ALDH6A1: variants seen among roughly 807,000 people sequenced by gnomAD.
ALDH6A1 encodes the protein aldehyde dehydrogenase 6 family member A1.
ALDH6A1 carries 43 observed loss-of-function variants against 62.6 expected under a neutral mutation model. The observed-to-expected ratio is 0.69, with a 90% CI of 0.54 to 0.89. The LOEUF (loss-of-function observed/expected upper bound fraction) is 0.89. Ranked by LOEUF, ALDH6A1 falls within the 40% of genes least tolerant of loss-of-function variation. The pLI is 0.00. For synonymous variants in ALDH6A1, 194 were observed against 234.2 expected (o/e 0.83, Z 1.57); for missense variants, 551 against 661.3 (o/e 0.83, Z 1.83).
chr14:74,065,088 C>T, intron 10 of ALDH6A1, 93 bp downstream of exon 10: 1 of 1,490,466 alleles, frequency 6.7e-7, no homozygotes, highest in Non-Finnish European at 9.3e-7. Flanking sequence ...GTCATGGGGG[C>T]AATCTTAAAC....
At chr14:74,061,962 C>T (rs1420337719) in intron 11 of ALDH6A1, among the ~76,000 whole-genome samples, 3 of 148,122 alleles carry the variant, frequency 2.0e-5, no homozygotes, top group Non-Finnish European at 4.4e-5. Context: ...GTAATATCAG[C>T]ACTTTGGGAG....
intron 6 of ALDH6A1, among the ~76,000 whole-genome samples, chr14:74,070,037 C>T (rs1056617674): frequency 6.6e-6 from 1 of 151,554 alleles, no homozygotes; most frequent in Admixed American, 6.6e-5. Flanking sequence ...ACGGGGGTTT[C>T]GCCACATGGC....
At chr14:74,080,634 G>C (rs1566838155) in intron 1 of ALDH6A1, among the ~76,000 whole-genome samples, 1 of 152,004 alleles carries the variant, frequency 6.6e-6, no homozygotes, top group African/African-American at 2.4e-5. Context: ...GTAGAGATGG[G>C]GCCTCCCTAT....
chr14:74,084,389 C>T lies in ALDH6A1; in HGVS notation c.6G>A (p.Ala2=). The change falls in exon 1 of 12, where the codon GCG becomes GCA. Residue 2 remains alanine (A), a synonymous_variant. Coordinates refer to ENST00000553458, the MANE Select transcript of ALDH6A1 (RefSeq NM_005589.4). M[A]ALLAAAAVRA... ...GCACTGCCGCCGCCGCCAATAGCGC[C>T]GCCATGGCTCTCGGCCGCCCTAGCT... The T allele has an allele frequency of 6.2e-7, 1 of 1,613,558 alleles. No individual in the cohort carries two copies. The highest frequency in any genetic ancestry group is 8.5e-7 in the Non-Finnish European group (1 of 1,179,932).
chr14:74,065,346 A>C lies in ALDH6A1; in HGVS notation c.1239T>G (p.Cys413Trp). The C allele has an allele frequency of 6.2e-7, 1 of 1,614,088 alleles. No homozygotes were observed. Among genetic ancestry groups the C allele is most frequent in the Middle Eastern group, 1.7e-4 (1 of 6,048 alleles). The change falls in exon 10 of 12, where the codon TGT becomes TGG. Residue 413 changes from cysteine to tryptophan, a missense_variant. Transcript: ENST00000553458. ...IISNVKPNMT[C>W]YKEEIFGPVL... ...CTGGACCAAAAATCTCCTCTTTGTA[A>C]CAGGTCATATTTGGCTGCCAGGAGT...
intron 6 of ALDH6A1, 122 bp from the exon 7 acceptor site, chr14:74,069,103 T>G (rs998049142): frequency 3.9e-6 from 2 of 518,662 alleles, no homozygotes; most frequent in African/African-American, 4.4e-5. Flanking sequence ...TACTTTTTCT[T>G]TTTTTTTTTT....
At chr14:74,079,907 G>A (rs1370405630) in intron 1 of ALDH6A1, among the ~76,000 whole-genome samples, 1 of 152,092 alleles carries the variant, frequency 6.6e-6, no homozygotes, top group Non-Finnish European at 1.5e-5. Flanking sequence ...GCATGGTCAT[G>A]TGCACCTGTG....
At chr14:74,071,703 G>T in intron 5 of ALDH6A1, 193 bp downstream of exon 5, 1 of 1,475,142 alleles carries the variant, frequency 6.8e-7, no homozygotes. Context: ...CCCACTGGAA[G>T]ATCATTTGAG....
At chr14:74,061,984 C>T (rs566044716) in intron 11 of ALDH6A1, among the ~76,000 whole-genome samples, 84 of 135,552 alleles carry the variant, frequency 6.2e-4, no homozygotes, top group African/African-American at 2.2e-3. Flanking sequence ...CTGAGGTAGG[C>T]GGATCACTTG....
Position 74,064,330 on chromosome 14 carries a change from T to C in ALDH6A1, c.1503+492A>G, listed in dbSNP as rs190038718. Among the ~76,000 whole-genome samples the C allele has an allele frequency of 3.3e-5, 5 of 150,912 alleles. No individual in the cohort carries two copies. The East Asian group carries it at 9.8e-4, about 29-fold the overall frequency. On this transcript the variant is annotated intron_variant, in intron 11 of 11. Transcript: ENST00000553458. ...AAAAAAATAATAATAATAATAGTAA[T>C]AATAATGTCTGCTACAAAGAACGTG...
intron 6 of ALDH6A1, 89 bp from the exon 7 acceptor site, chr14:74,069,070 G>GA: frequency 9.0e-7 from 1 of 1,110,634 alleles, no homozygotes; most frequent in Non-Finnish European, 1.3e-6. Context: ...CTATGGATTT[G>GA]AAGTTTTCCT....
chr14:74,071,682 ATATG>A, intron 5 of ALDH6A1, 185 bp from the exon 6 acceptor site: 1 of 1,504,726 alleles, frequency 6.6e-7, no homozygotes, highest in Non-Finnish European at 8.9e-7. Flanking sequence ...AAATACAGCG[ATATG>A]TATATACCCA....
In ALDH6A1 at chr14:74,065,209, T is replaced by A; in HGVS notation, c.1376A>T (p.Lys459Ile). 1 of 1,614,188 alleles carries A rather than the reference T, an allele frequency of 6.2e-7. No homozygotes were observed. The highest frequency in any genetic ancestry group is 8.5e-7 in the Non-Finnish European group (1 of 1,180,030). Residue 459 changes from lysine to isoleucine, a missense_variant, in exon 10 of 12, where the codon AAA becomes ATA. Transcript: ENST00000553458. Reference protein sequence around the residue: ...IFTTNGATARKYAHLVDVGQV... With the variant: ...IFTTNGATARIYAHLVDVGQV... ...TCCAACATCCACCAAGTGGGCATATTTCCGAGCAGTGGCTCCATTGGTGGT... is the reference window on the plus strand; with the variant it reads ...TCCAACATCCACCAAGTGGGCATATATCCGAGCAGTGGCTCCATTGGTGGT...
chr14:74,067,700 GATA>G (rs1460844583), intron 7 of ALDH6A1, 131 bp from the exon 8 acceptor site: 1 of 959,650 alleles, frequency 1.0e-6, no homozygotes, highest in East Asian at 2.5e-5. Context: ...AGGTGAGAAG[GATA>G]ACTTGAGGTC....
chr14:74,057,260 T>C lies in ALDH6A1; in HGVS notation c.*3382A>G, dbSNP rs1453593641. On this transcript the variant is annotated 3_prime_UTR_variant, in exon 12 of 12. Coordinates refer to ENST00000553458, the MANE Select transcript of ALDH6A1 (RefSeq NM_005589.4). ...AAAGAACCTCAGGAGTCTGACACAGTAAGGAGTCTGTATCTAATCAAACAA... is the reference window on the plus strand; with the variant it reads ...AAAGAACCTCAGGAGTCTGACACAGCAAGGAGTCTGTATCTAATCAAACAA... 1 of 1,614,092 alleles carries C rather than the reference T, an allele frequency of 6.2e-7. No individual in the cohort carries two copies. The highest frequency in any genetic ancestry group is 2.2e-5 in the East Asian group (1 of 44,872).
Position 74,065,035 on chromosome 14 carries a change from C to G in ALDH6A1, c.1405-115G>C, listed in dbSNP as rs538422746. ...CCACCTTCTACCCTATCCTCTACCC[C>G]ATGAACTTTCATTCCTGAGGAAGAA... On this transcript the variant is annotated intron_variant, in intron 10 of 11. Coordinates refer to ENST00000553458, the MANE Select transcript of ALDH6A1 (RefSeq NM_005589.4). The G allele has an allele frequency of 1.8e-5, 24 of 1,368,826 alleles. No homozygotes were observed. The East Asian group carries it at 5.6e-4, about 32-fold the overall frequency. 84.8% of individuals were successfully genotyped at this position (1,368,826 alleles called of 1,614,324 possible).
rs1437636936 is a variant in ALDH6A1, at chr14:74,071,953, T to G, written c.370A>C (p.Thr124Pro). The change falls in exon 5 of 12, where the codon ACA becomes CCA. Residue 124 changes from threonine (T) to proline (P), a missense_variant. Physicochemically the swap from Thr to Pro is conservative, Grantham distance 38 (BLOSUM62 -1). Transcript: ENST00000553458. ...GCTAGGGTCTTCCCTTGTTCCAATG[T>G]GATTAACTTGGCAATTTCTTTCTAG... ...ENLKEIAKLI[T>P]LEQGKTLADA... 6.2e-7 allele frequency: 1 copy of G among 1,614,050 alleles called. No individual in the cohort carries two copies. The highest frequency in any genetic ancestry group is 8.5e-7 in the Non-Finnish European group (1 of 1,179,988).
At chr14:74,072,734 T>C in intron 2 of ALDH6A1, 123 bp from the exon 3 acceptor site, 1 of 1,108,278 alleles carries the variant, frequency 9.0e-7, no homozygotes, top group East Asian at 2.6e-5. Context: ...CGGAATCTTC[T>C]GGTCTTTAGA....
At chr14:74,063,168 T>C (rs189450566) in intron 11 of ALDH6A1, among the ~76,000 whole-genome samples, 175 of 152,014 alleles carry the variant, frequency 1.2e-3, no homozygotes, top group African/African-American at 4.0e-3. Context: ...TGTTGGCCGA[T>C]GTGGCAATAG....
Sources: gnomAD v4.1 joint callset for allele counts (sites outside exome capture counted in the v4.1 genomes callset) on GRCh38, gnomAD v4.1.1 for gene constraint, MANE v1.5 for transcripts, NCBI Gene and HGNC (gene_info 2026-07-23, HGNC 2026-07-21) for gene names.